Variants in COQ4 observed in about 807,000 individuals in gnomAD.
COQ4 encodes the protein coenzyme Q4.
Under a neutral mutation model 30.2 loss-of-function variants are expected in COQ4, and 36 were observed. The ratio of observed to expected loss-of-function variants is 1.19; its 90% CI spans 0.91 to 1.57. COQ4 has a LOEUF of 1.57. Among genes scored for constraint, COQ4 ranks in the 40% most tolerant of loss-of-function variants. The pLI is 0.00. For missense variants in COQ4, 369 were observed against 371.9 expected (o/e 0.99, Z 0.07); for synonymous variants, 197 against 161.0 (o/e 1.22, Z -1.69).
At chr9:128,323,639 G>A (rs1210617095) in intron 2 of COQ4, 2 of 319,138 alleles carry the variant, frequency 6.3e-6, no homozygotes, top group African/African-American at 4.3e-5. Context: ...TGAGTTCTGG[G>A]AAGTACTGTT....
At position 128,325,991 on chromosome 9, in the gene COQ4, G is replaced by A. The variant is rs754837127; in HGVS notation, c.402+110G>A. The stretch of plus-strand genomic sequence containing the variant: ...CCCTGAGCTGCCACCATTGGCAGGA[G>A]TGCTCTTCAGGCTCATGCCAAGGCT... On this transcript the variant is annotated intron_variant, in intron 4 of 6. Coordinates refer to ENST00000300452, the MANE Select transcript of COQ4 (RefSeq NM_016035.5). 6 of 950,862 alleles carry A rather than the reference G, an allele frequency of 6.3e-6. No homozygotes were observed. The African/African-American group carries it at 9.7e-5, about 15-fold the overall frequency. 58.9% of individuals were successfully genotyped at this position (950,862 alleles called of 1,614,324 possible).
intron 5 of COQ4, 41 bp downstream of exon 5, chr9:128,332,323 G>T: frequency 6.2e-7 from 1 of 1,605,480 alleles, no homozygotes; most frequent in East Asian, 2.2e-5. Flanking sequence ...CCCTGGGGTG[G>T]CTTCAGGGCC....
chr9:128,331,062 C>G (rs1832400384), intron 4 of COQ4: 1 of 152,004 alleles, frequency 6.6e-6, no homozygotes, highest in African/African-American at 2.4e-5. Context: ...TGGTCTTGAT[C>G]TCCTGACCTC....
intron 2 of COQ4, chr9:128,323,418 C>T (rs1252761087): frequency 3.8e-6 from 2 of 528,720 alleles, no homozygotes; most frequent in African/African-American, 2.0e-5. Flanking sequence ...AACATCTAGA[C>T]TAAATAGATG....
chr9:128,330,729 T>G (rs1226999918), intron 4 of COQ4: 2 of 152,124 alleles, frequency 1.3e-5, no homozygotes, highest in African/African-American at 2.4e-5. Context: ...CCTCCCAAAG[T>G]GCTGGGATTG....
chr9:128,331,981 A>C, intron 4 of COQ4, 172 bp from the exon 5 acceptor site: 1 of 646,250 alleles, frequency 1.5e-6, no homozygotes, highest in Non-Finnish European at 2.6e-6. Context: ...CGCCCACCTT[A>C]GCCTCCCAAA....
At chr9:128,333,165 T>G (rs1405570194) in intron 6 of COQ4, among the ~76,000 whole-genome samples, 1 of 152,152 alleles carries the variant, frequency 6.6e-6, no homozygotes, top group Non-Finnish European at 1.5e-5. Context: ...CACAGGACTC[T>G]GGGGTCTCTT....
At chr9:128,323,442 G>C (rs1832252652) in intron 2 of COQ4, 1 of 503,538 alleles carries the variant, frequency 2.0e-6, no homozygotes, top group South Asian at 3.4e-5. Context: ...CATAAGTACC[G>C]ATCAGTTTAT....
chr9:128,332,151 A>G lies in COQ4; in HGVS notation c.403-2A>G. On this transcript the variant is annotated splice_acceptor_variant, in intron 4 of 6. Transcript: ENST00000300452. LOFTEE classifies it high-confidence loss of function. Reference sequence around the variant, plus strand: ...GTTCTAGGGGAGGCTCATGGTTGTCAGAGGGTCTCCCCAGACACCCGAGCA... The same window carrying G: ...GTTCTAGGGGAGGCTCATGGTTGTCGGAGGGTCTCCCCAGACACCCGAGCA... 1 of 1,562,762 alleles carries G rather than the reference A, an allele frequency of 6.4e-7. No homozygotes were observed. The highest frequency in any genetic ancestry group is 8.7e-7 in the Non-Finnish European group (1 of 1,153,156).
At chr9:128,332,982 G>A (rs1465371676) in intron 6 of COQ4, 39 bp downstream of exon 6, 23 of 1,504,694 alleles carry the variant, frequency 1.5e-5, no homozygotes, top group Non-Finnish European at 2.0e-5. Context: ...GGTTGAGGGT[G>A]GTATCAGGAC....
intron 6 of COQ4, 60 bp downstream of exon 6, chr9:128,333,003 G>A (rs1832441075): frequency 2.4e-6 from 3 of 1,261,834 alleles, no homozygotes; most frequent in Middle Eastern, 1.9e-4. Context: ...AGAACTCAGA[G>A]GGACCAGGGC....
chr9:128,323,969 A>G (rs750502689), intron 2 of COQ4, among the ~76,000 whole-genome samples: 6 of 151,868 alleles, frequency 4.0e-5, no homozygotes, highest in African/African-American at 9.7e-5. Context: ...CTATATCTCC[A>G]TGTCCCCAGT....
Position 128,325,132 on chromosome 9 carries a change from T to C in COQ4, c.203-11T>C. ...GACATCCCCCATTTGTGCCCGTTTC[T>C]GTCCTTTCAGACATGGTCGCAGTTC... On this transcript the variant is annotated splice_polypyrimidine_tract_variant and intron_variant, in intron 2 of 6. Transcript: ENST00000300452. 6.2e-7 allele frequency: 1 copy of C among 1,608,244 alleles called. No homozygotes were observed. Among genetic ancestry groups the C allele is most frequent in the Non-Finnish European group, 8.5e-7 (1 of 1,175,770 alleles).
chr9:128,331,328 T>A (rs1312574823), intron 4 of COQ4: 1 of 151,998 alleles, frequency 6.6e-6, no homozygotes. Flanking sequence ...AAGGTACAGT[T>A]ATTTTGAGTG....
At chr9:128,332,318 G>C (rs778855598) in intron 5 of COQ4, 36 bp downstream of exon 5, 1 of 1,607,590 alleles carries the variant, frequency 6.2e-7, no homozygotes, top group Non-Finnish European at 8.5e-7. Context: ...TGTCTCCCTG[G>C]GGTGGCTTCA....
rs117432527 is a variant in COQ4 at position 128,325,088 on chromosome 9, C to T, written c.203-55C>T. The T allele has an allele frequency of 0.03, 38,193 of 1,270,122 alleles. 724 individuals carry two copies. Among genetic ancestry groups the T allele is most frequent in the Middle Eastern group, 0.067 (358 of 5,366 alleles). 78.7% of individuals were successfully genotyped at this position (1,270,122 alleles called of 1,614,324 possible). On this transcript the variant is annotated intron_variant, in intron 2 of 6. Coordinates refer to ENST00000300452, the MANE Select transcript of COQ4 (RefSeq NM_016035.5). ...TAGGAAACAAAGGCTCAGACCAGGT[C>T]AGCTAACTTACCTAAGATGACATCC...
rs961433057 is a variant in COQ4, at chr9:128,333,539, G to A, written c.692G>A (p.Cys231Tyr). Residue 231 changes from cysteine (C) to tyrosine (Y), a missense_variant, in exon 7 of 7, where the codon TGT (cysteine) becomes TAT (tyrosine). Cys to Tyr is a radical substitution (Grantham distance 194, BLOSUM62 -2). Transcript: ENST00000300452. ...WAVQNGRRAP[C>Y]VLNLYYERRW... ...GTTCAGAACGGGCGCAGAGCCCCAT[G>A]TGTCCTCAACCTGTACTATGAGCGG... The A allele has an allele frequency of 1.9e-6, 3 of 1,607,770 alleles. No individual in the cohort carries two copies. The African/African-American group carries it at 4.0e-5, about 22-fold the overall frequency.
At chr9:128,333,081 G>GA (rs1477474966) in intron 6 of COQ4, 138 bp downstream of exon 6, 1 of 710,388 alleles carries the variant, frequency 1.4e-6, no homozygotes, top group Non-Finnish European at 2.5e-6. Flanking sequence ...AGTAAGGGTA[G>GA]AAAGAATGGA....
Position 128,333,567 on chromosome 9 carries a change from C to T in COQ4, c.720C>T (p.Arg240=). ...PCVLNLYYER[R]WEQSLRALRE... is the part of the protein sequence containing the mutation. The stretch of plus-strand genomic sequence containing the variant: ...TCCTCAACCTGTACTATGAGCGGCG[C>T]TGGGAGCAGTCCCTGAGGGCTCTGC... The change falls in exon 7 of 7, where the codon CGC becomes CGT. Residue 240 remains arginine, a synonymous_variant. Transcript: ENST00000300452. 6.2e-7 allele frequency: 1 copy of T among 1,610,800 alleles called. No homozygotes were observed. The highest frequency in any genetic ancestry group is 1.7e-4 in the Middle Eastern group (1 of 6,044).
Sources: allele counts gnomAD v4.1 joint callset (sites outside exome capture counted in the v4.1 genomes callset), GRCh38; gene constraint gnomAD v4.1.1; transcripts MANE v1.5; gene names NCBI Gene and HGNC (gene_info 2026-07-23, HGNC 2026-07-21).